VAPB: variants seen among roughly 807,000 people sequenced by gnomAD.
VAPB encodes the protein VAMP associated protein B and C.
Under a neutral mutation model 25.6 loss-of-function variants are expected in VAPB, and 7 were observed. The ratio of observed to expected loss-of-function variants is 0.27; its 90% CI spans 0.16 to 0.51. The LOEUF (loss-of-function observed/expected upper bound fraction) is 0.51, where lower values mean the gene tolerates loss of function less well. Ranked by LOEUF, VAPB falls within the 20% of genes least tolerant of loss-of-function variation. The pLI is 0.97. For missense variants in VAPB, 266 were observed against 301.3 expected (o/e 0.88, Z 0.87); for synonymous variants, 112 against 109.2 (o/e 1.03, Z -0.16).
At chr20:58,400,169 T>C (rs887432416) in intron 1 of VAPB, among the ~76,000 whole-genome samples, 4 of 152,166 alleles carry the variant, frequency 2.6e-5, no homozygotes, top group Non-Finnish European at 5.9e-5. Context: ...CTGTGGTTCC[T>C]AGCATTGCTG....
At chr20:58,389,978 GT>G (rs1272198611) in intron 1 of VAPB, 1 of 159,546 alleles carries the variant, frequency 6.3e-6, no homozygotes, top group Non-Finnish European at 1.4e-5. Context: ...TTCCGTCACT[GT>G]TTCGTGGTCA....
At chr20:58,429,882 C>G (rs1568715045) in intron 2 of VAPB, among the ~76,000 whole-genome samples, 1 of 151,998 alleles carries the variant, frequency 6.6e-6, no homozygotes, top group Non-Finnish European at 1.5e-5. Context: ...AGTGCTCAAA[C>G]TTTTTGGTCT....
intron 4 of VAPB, chr20:58,440,524 A>G (rs139933622): frequency 8.1e-6 from 2 of 247,258 alleles, no homozygotes; most frequent in African/African-American, 4.6e-5. Context: ...TAACCCCACT[A>G]AGGCAATCCT....
intron 1 of VAPB, 69 bp downstream of exon 1, chr20:58,389,586 C>T (rs2123005527): frequency 2.6e-5 from 39 of 1,484,382 alleles, no homozygotes; most frequent in African/African-American, 4.4e-5. Flanking sequence ...CGGAGCCCGG[C>T]GCGGCGGGTG....
rs555512826 is a variant in VAPB at position 58,447,859 on chromosome 20, A to G, written c.*3624A>G. On this transcript the variant is annotated 3_prime_UTR_variant, in exon 6 of 6. Transcript: ENST00000475243. ...CCCATTTCTCATTGTAGTTTGAGAAATACATGTATGAAGAGATAGGGGTCT... is the reference window on the plus strand; with the variant it reads ...CCCATTTCTCATTGTAGTTTGAGAAGTACATGTATGAAGAGATAGGGGTCT... The G allele has an allele frequency of 7.5e-5, 34 of 454,020 alleles. No homozygotes were observed. Among genetic ancestry groups the G allele is most frequent in the African/African-American group, 6.4e-4 (32 of 50,088 alleles). The allele number at this position is 454,020 out of a possible 1,614,324, so 28.1% of individuals were successfully genotyped here. A position where few individuals can be genotyped will look rare whatever the true frequency, so the allele number is the denominator to read the frequency against.
intron 1 of VAPB, among the ~76,000 whole-genome samples, chr20:58,414,972 C>G (rs567358011): frequency 2.0e-5 from 3 of 152,284 alleles, no homozygotes; most frequent in African/African-American, 2.4e-5. Context: ...CCTGCAATCC[C>G]GGCACGTCGG....
intron 4 of VAPB, chr20:58,440,148 G>A (rs1238689744): frequency 2.6e-5 from 4 of 152,200 alleles, no homozygotes; most frequent in Non-Finnish European, 4.4e-5. Context: ...TGGAAGCTGT[G>A]AAAGCAGTAT....
intron 2 of VAPB, among the ~76,000 whole-genome samples, chr20:58,426,220 T>C (rs1255475298): frequency 1.3e-5 from 2 of 151,862 alleles, no homozygotes; most frequent in Non-Finnish European, 2.9e-5. Flanking sequence ...ATTTATGGAG[T>C]TGGGGTCTTG....
At chr20:58,423,248 C>T (rs1754142714) in intron 2 of VAPB, among the ~76,000 whole-genome samples, 2 of 151,452 alleles carry the variant, frequency 1.3e-5, no homozygotes, top group Non-Finnish European at 2.9e-5. Flanking sequence ...CCCGTCTCTA[C>T]TAAACATACA....
intron 2 of VAPB, among the ~76,000 whole-genome samples, chr20:58,419,477 C>T (rs1476358): frequency 1.7e-3 from 261 of 152,326 alleles, no homozygotes; most frequent in African/African-American, 6.1e-3. Context: ...TGAGGGGCTT[C>T]TATGTGCTGG....
At chr20:58,441,175 A>T in intron 5 of VAPB, 92 bp downstream of exon 5, 1 of 1,403,778 alleles carries the variant, frequency 7.1e-7, no homozygotes, top group Non-Finnish European at 9.9e-7. Context: ...GAATATATAG[A>T]TTTCTTTTTG....
chr20:58,435,445 A>G (rs1989022371), intron 3 of VAPB, among the ~76,000 whole-genome samples: 1 of 152,186 alleles, frequency 6.6e-6, no homozygotes, highest in African/African-American at 2.4e-5. Flanking sequence ...CAGTTCAGGA[A>G]AGCAGGACAG....
chr20:58,414,590 C>A (rs1413156180), intron 1 of VAPB, among the ~76,000 whole-genome samples: 1 of 147,000 alleles, frequency 6.8e-6, no homozygotes, highest in Middle Eastern at 3.6e-3. Context: ...CCAGACGGGG[C>A]GGCGGGGCAG....
chr20:58,415,518 CATT>C (rs1358546016), intron 1 of VAPB, among the ~76,000 whole-genome samples: 3 of 152,256 alleles, frequency 2.0e-5, no homozygotes, highest in East Asian at 1.9e-4. Flanking sequence ...TTGTTACAGA[CATT>C]ATCTGAAATA....
Position 58,448,787 on chromosome 20 carries a change from A to G in VAPB, c.*4552A>G. ...CTGAACACACTACAGACAGTGAAAAAAGGTACATATTCCATTTTCTCATTG... is the reference window on the plus strand; with the variant it reads ...CTGAACACACTACAGACAGTGAAAAGAGGTACATATTCCATTTTCTCATTG... On this transcript the variant is annotated 3_prime_UTR_variant, in exon 6 of 6. Transcript: ENST00000475243. 2.2e-6 allele frequency: 1 copy of G among 454,086 alleles called. No individual in the cohort carries two copies. The highest frequency in any genetic ancestry group is 4.4e-6 in the Non-Finnish European group (1 of 226,788). The allele number at this position is 454,086 out of a possible 1,614,324, so 28.1% of individuals were successfully genotyped here. A position where few individuals can be genotyped will look rare whatever the true frequency, so the allele number is the denominator to read the frequency against.
chr20:58,414,617 T>C (rs1229546396), intron 1 of VAPB, among the ~76,000 whole-genome samples: 1 of 137,972 alleles, frequency 7.2e-6, no homozygotes, highest in Non-Finnish European at 1.6e-5. Context: ...TCCCCACATC[T>C]CAGACGATGG....
intron 5 of VAPB, 101 bp downstream of exon 5, chr20:58,441,184 T>A: frequency 1.0e-5 from 14 of 1,354,356 alleles, no homozygotes; most frequent in Non-Finnish European, 1.4e-5. Context: ...GATTTCTTTT[T>A]GCTTTTGGTA....
Position 58,444,515 on chromosome 20 carries a change from A to G in VAPB, c.*280A>G, listed in dbSNP as rs1284710229. On this transcript the variant is annotated 3_prime_UTR_variant, in exon 6 of 6. Coordinates refer to ENST00000475243, the MANE Select transcript of VAPB (RefSeq NM_004738.5). ...ACCATGAGTAATGCCACAATGGCATATTGTAAATGTCATTTTAAACATTGG... is the reference window on the plus strand; with the variant it reads ...ACCATGAGTAATGCCACAATGGCATGTTGTAAATGTCATTTTAAACATTGG... 3.5e-6 allele frequency: 2 copies of G among 563,652 alleles called. No homozygotes were observed. Among genetic ancestry groups the G allele is most frequent in the Non-Finnish European group, 6.7e-6 (2 of 298,360 alleles). The allele number at this position is 563,652 out of a possible 1,614,324, so 34.9% of individuals were successfully genotyped here.
chr20:58,425,907 A>ATT (rs1988773475), intron 2 of VAPB, among the ~76,000 whole-genome samples: 1 of 151,996 alleles, frequency 6.6e-6, no homozygotes, highest in Non-Finnish European at 1.5e-5. Context: ...ATATTTATTT[A>ATT]TTTTTGACAA....
Sources: gnomAD v4.1 joint callset for allele counts (sites outside exome capture counted in the v4.1 genomes callset) on GRCh38, gnomAD v4.1.1 for gene constraint, MANE v1.5 for transcripts, NCBI Gene and HGNC (gene_info 2026-07-23, HGNC 2026-07-21) for gene names.